PCDHGB2: variants seen among roughly 807,000 people sequenced by gnomAD.
PCDHGB2 encodes the protein protocadherin gamma-B2.
In PCDHGB2, 55 loss-of-function variants were observed where a neutral mutation model predicts 59.3. That is an observed-to-expected ratio of 0.93 (90% CI 0.75 to 1.16). The LOEUF is 1.16. Among genes scored for constraint, PCDHGB2 ranks in the 50% most tolerant of loss-of-function variants. The pLI, the probability that PCDHGB2 is intolerant of heterozygous loss-of-function variation, is 0.00. For synonymous variants in PCDHGB2, 516 were observed against 512.0 expected, an observed-to-expected ratio of 1.01 and a Z score of -0.11; for missense variants, 1,228 against 1,198.5, an observed-to-expected ratio of 1.02 and a Z score of -0.36.
chr5:141,489,666 C>A lies in PCDHGB2; in HGVS notation c.2422-5141C>A. On this transcript the variant is annotated intron_variant, in intron 1 of 3. Transcript: ENST00000522605. The surrounding 1 kb of genome is among the most constrained non-coding windows in gnomAD (Gnocchi z 4.5). ...CCACCCCTGAGCGAGAGATGCGCAT[C>A]TCAGAATCAGCAGCATCTGGGGCAC... 1.2e-6 allele frequency: 2 copies of A among 1,614,222 alleles called. No homozygotes were observed. Among genetic ancestry groups the A allele is most frequent in the Non-Finnish European group, 1.7e-6 (2 of 1,180,036 alleles).
At chr5:141,463,402 T>C (rs1214124103) in intron 1 of PCDHGB2, among the ~76,000 whole-genome samples, 1 of 149,978 alleles carries the variant, frequency 6.7e-6, no homozygotes, top group African/African-American at 2.5e-5. Context: ...GCAAAAAAAA[T>C]GGAGATCCTA....
In PCDHGB2 at chr5:141,477,681, T is replaced by G; in HGVS notation, c.2422-17126T>G. On this transcript the variant is annotated intron_variant, in intron 1 of 3. Transcript: ENST00000522605. This position sits in a 1 kb window ranked among gnomAD's most constrained non-coding sequence, Gnocchi z 4.9. ...CGTGACAATGGCATAGTGTCATCCT[T>G]AGTGCCCCTAGACTATGAGGATCGG... 1 of 1,614,180 alleles carries G rather than the reference T, an allele frequency of 6.2e-7. No individual in the cohort carries two copies. Among genetic ancestry groups the G allele is most frequent in the Non-Finnish European group, 8.5e-7 (1 of 1,180,046 alleles).
At chr5:141,422,604 T>C in intron 1 of PCDHGB2, 1 of 1,614,030 alleles carries the variant, frequency 6.2e-7, no homozygotes, top group Non-Finnish European at 8.5e-7. Flanking sequence ...CCTCTTACTC[T>C]GCCTACATTC....
chr5:141,388,712 G>A, intron 1 of PCDHGB2: 1 of 1,613,986 alleles, frequency 6.2e-7, no homozygotes. Flanking sequence ...TCAATGCCGA[G>A]ATTACTTTCT....
At chr5:141,377,766 G>A (rs950570647) in intron 1 of PCDHGB2, 4 of 152,130 alleles carry the variant, frequency 2.6e-5, no homozygotes, top group African/African-American at 9.7e-5. Flanking sequence ...CCAGATCTTT[G>A]GTGTTAAAAG....
Position 141,490,310 on chromosome 5 carries a change from AC to A in PCDHGB2, c.2422-4494del. 1 of 1,614,084 alleles carries A rather than the reference AC, an allele frequency of 6.2e-7. No homozygotes were observed. The highest frequency in any genetic ancestry group is 8.5e-7 in the Non-Finnish European group (1 of 1,180,012). ...GAGGTGCTATTGGCCTCTTTGGCCA[AC>A]CCTGTCCTAGAGAGCACACCAGTGG... is the stretch of plus-strand genomic sequence containing the variant. On this transcript the variant is annotated intron_variant, in intron 1 of 3. Transcript: ENST00000522605. This position sits in a 1 kb window ranked among gnomAD's most constrained non-coding sequence, Gnocchi z 5.4.
chr5:141,486,637 G>A lies in PCDHGB2; in HGVS notation c.2422-8170G>A, dbSNP rs761072169. On this transcript the variant is annotated intron_variant, in intron 1 of 3. Transcript: ENST00000522605. The surrounding 1 kb of genome is among the most constrained non-coding windows in gnomAD (Gnocchi z 5.0). ...CTGACCCAGACTCTGGCTTGAATGC[G>A]CTTATCTCCTACTCACTCCTGGAGC... 3.1e-5 allele frequency: 50 copies of A among 1,613,520 alleles called. No individual in the cohort carries two copies. The highest frequency in any genetic ancestry group is 5.0e-5 in the Admixed American group (3 of 60,000).
intron 1 of PCDHGB2, among the ~76,000 whole-genome samples, chr5:141,401,572 C>T (rs1013014550): frequency 3.3e-5 from 5 of 152,268 alleles, no homozygotes; most frequent in Middle Eastern, 3.4e-3. Flanking sequence ...TTCTCTTGCT[C>T]GGAATCCTGA....
At chr5:141,440,501 A>G (rs2098183001) in intron 1 of PCDHGB2, 1 of 152,174 alleles carries the variant, frequency 6.6e-6, no homozygotes, top group African/African-American at 2.4e-5. Context: ...TCACATTAAT[A>G]TGGAGATTCA....
At chr5:141,365,016 G>A (rs1763680175) in intron 1 of PCDHGB2, 1 of 1,613,880 alleles carries the variant, frequency 6.2e-7, no homozygotes. Flanking sequence ...ACGCACATCC[G>A]TGTTACGGTC....
rs70988800 is a variant in PCDHGB2 at position 141,379,889 on chromosome 5, C to CTTTTTTTTTTTTTT, written c.2421+17350_2421+17363dup. ...CTTATTTTATGGTCTGTGAAAGCCT[C>CTTTTTTTTTTTTTT]TTTTTTTTTTTTTTTTTTTTTTTTT... On this transcript the variant is annotated intron_variant, in intron 1 of 3. Coordinates refer to ENST00000522605, the MANE Select transcript of PCDHGB2 (RefSeq NM_018923.3). Among the ~76,000 whole-genome samples, 79 of 50,828 alleles carry CTTTTTTTTTTTTTT rather than the reference C, an allele frequency of 1.6e-3. 14 individuals carry two copies. The highest frequency in any genetic ancestry group is 2.7e-3 in the African/African-American group (40 of 15,084). 33.3% of individuals were successfully genotyped at this position (50,828 alleles called of 152,430 possible).
At chr5:141,410,338 C>T (rs1050053577) in intron 1 of PCDHGB2, 35 of 1,613,900 alleles carry the variant, frequency 2.2e-5, no homozygotes, top group Non-Finnish European at 2.2e-5. Context: ...TGGCCATTGC[C>T]TTGCGCCTGC....
At chr5:141,458,662 C>T (rs948275548) in intron 1 of PCDHGB2, among the ~76,000 whole-genome samples, 3 of 152,064 alleles carry the variant, frequency 2.0e-5, no homozygotes, top group East Asian at 1.9e-4. Flanking sequence ...CTCCACCTCT[C>T]GGGTTCAAGC....
In PCDHGB2 at chr5:141,512,009, CAAGTT is replaced by C. The variant is rs1409890580; in HGVS notation, c.*838_*842del. On this transcript the variant is annotated 3_prime_UTR_variant, in exon 4 of 4. Transcript: ENST00000522605. ...GGGGCATGGACAAAGCTTGACACATCAAGTTATCAAGGCCTTGGAGGAGGCTCTGT... is the reference window on the plus strand; with the variant it reads ...GGGGCATGGACAAAGCTTGACACATCATCAAGGCCTTGGAGGAGGCTCTGT... 1 of 153,074 alleles carries C rather than the reference CAAGTT, an allele frequency of 6.5e-6. No individual in the cohort carries two copies. The highest frequency in any genetic ancestry group is 1.9e-4 in the East Asian group (1 of 5,182). 9.5% of individuals were successfully genotyped at this position (153,074 alleles called of 1,614,324 possible).
In PCDHGB2 at chr5:141,487,460, G is replaced by T; in HGVS notation, c.2422-7347G>T. ...AGGGTCAGATGACCCTATCAAGTTT[G>T]TTGATGTGGGAGGCCACTCTCATGG... On this transcript the variant is annotated intron_variant, in intron 1 of 3. Transcript: ENST00000522605. The surrounding 1 kb of genome is among the most constrained non-coding windows in gnomAD (Gnocchi z 5.0). 1 of 1,614,170 alleles carries T rather than the reference G, an allele frequency of 6.2e-7. No individual in the cohort carries two copies. Among genetic ancestry groups the T allele is most frequent in the Non-Finnish European group, 8.5e-7 (1 of 1,180,024 alleles).
At position 141,431,747 on chromosome 5, in the gene PCDHGB2, C is replaced by T. The variant is rs371020840; in HGVS notation, c.2422-63060C>T. The T allele has an allele frequency of 5.0e-6, 8 of 1,614,064 alleles. No individual in the cohort carries two copies. In the Admixed American group the frequency reaches 5.0e-5, roughly 10 times the overall value. On this transcript the variant is annotated intron_variant, in intron 1 of 3. Transcript: ENST00000522605. This position sits in a 1 kb window ranked among gnomAD's most constrained non-coding sequence, Gnocchi z 4.8. ...AATGGATAATGCAGGATATTCTGCG[C>T]GAGCCAAAGTCCTGATCACTGTTCT...
At chr5:141,388,611 A>T (rs773007125) in intron 1 of PCDHGB2, 13 of 1,613,850 alleles carry the variant, frequency 8.1e-6, no homozygotes, top group Non-Finnish European at 6.8e-6. Context: ...TCCAGTGTTC[A>T]GTCAAGACGT....
At chr5:141,400,592 G>T in intron 1 of PCDHGB2, 1 of 1,603,196 alleles carries the variant, frequency 6.2e-7, no homozygotes, top group Non-Finnish European at 8.5e-7. Context: ...TGAAACTATC[G>T]TACATTTTCA....
chr5:141,427,105 A>C (rs1413188668), intron 1 of PCDHGB2: 1 of 457,776 alleles, frequency 2.2e-6, no homozygotes, highest in Non-Finnish European at 4.4e-6. Flanking sequence ...GTCAATGCGG[A>C]GATCACCTAC....
Sources: allele counts gnomAD v4.1 joint callset (sites outside exome capture counted in the v4.1 genomes callset), GRCh38; gene constraint gnomAD v4.1.1; non-coding constraint Gnocchi (gnomAD v3.1); transcripts MANE v1.5; gene names NCBI Gene and HGNC (gene_info 2026-07-23, HGNC 2026-07-21).